Variants in LMO1 observed in about 807,000 individuals in gnomAD.
The protein encoded by LMO1 is rhombotin-1.
In LMO1, 10 loss-of-function variants were observed where a neutral mutation model predicts 18.0. The ratio of observed to expected loss-of-function variants is 0.55; its 90% CI spans 0.34 to 0.94. The LOEUF is 0.94. Ranked by LOEUF, LMO1 falls within the 40% of genes least tolerant of loss-of-function variation. The probability of loss-of-function intolerance (pLI) is 0.02; values close to 1 mark genes in which losing one functional copy is unlikely to be tolerated. For synonymous variants in LMO1, 77 were observed against 77.9 expected (o/e 0.99, Z 0.06); for missense variants, 183 against 205.7 (o/e 0.89, Z 0.68).
At chr11:8,263,266 CGT>C in intron 1 of LMO1, 70 bp downstream of exon 1, 1 of 1,503,150 alleles carries the variant, frequency 6.7e-7, no homozygotes, top group Middle Eastern at 1.8e-4. Flanking sequence ...CGTGTCCCCG[CGT>C]GTGTGTGCCT....
chr11:8,229,140 G>A (rs565194140), intron 2 of LMO1, among the ~76,000 whole-genome samples: 8 of 151,886 alleles, frequency 5.3e-5, no homozygotes, highest in African/African-American at 1.4e-4. Context: ...TGCCTGCCTC[G>A]GCCTCCCAAA....
At chr11:8,233,997 C>T (rs992240100) in intron 1 of LMO1, among the ~76,000 whole-genome samples, 2 of 152,200 alleles carry the variant, frequency 1.3e-5, no homozygotes, top group Non-Finnish European at 2.9e-5. Flanking sequence ...TGATATTTCA[C>T]AATGGATGAT....
intron 1 of LMO1, among the ~76,000 whole-genome samples, chr11:8,248,112 C>T (rs1032997479): frequency 6.6e-6 from 1 of 152,212 alleles, no homozygotes; most frequent in Admixed American, 6.5e-5. Context: ...CAAGATTGCC[C>T]GTGATCTCAC....
intron 1 of LMO1, among the ~76,000 whole-genome samples, chr11:8,255,015 A>G (rs1481839641): frequency 1.3e-5 from 2 of 152,216 alleles, no homozygotes; most frequent in African/African-American, 4.8e-5. Flanking sequence ...TGGACTGATT[A>G]CAAAAATGGC....
At chr11:8,241,877 C>A (rs1430871805) in intron 1 of LMO1, among the ~76,000 whole-genome samples, 4 of 152,082 alleles carry the variant, frequency 2.6e-5, no homozygotes, top group South Asian at 4.1e-4. Flanking sequence ...GCCCTACATG[C>A]CTTGTCCACT....
intron 1 of LMO1, among the ~76,000 whole-genome samples, chr11:8,251,979 TGTGTGGGG>T (rs1430555999): frequency 2.5e-5 from 3 of 121,550 alleles, no homozygotes; most frequent in African/African-American, 8.0e-5. Flanking sequence ...GGGGTGTGCG[TGTGTGGGG>T]GTGTGCGTGT....
chr11:8,242,426 CA>C (rs1048693454), intron 1 of LMO1, among the ~76,000 whole-genome samples: 2 of 152,132 alleles, frequency 1.3e-5, no homozygotes, highest in African/African-American at 2.4e-5. Flanking sequence ...TTTTGGCTTA[CA>C]AAAATGACTA....
intron 2 of LMO1, among the ~76,000 whole-genome samples, chr11:8,230,086 G>C (rs1047206446): frequency 6.6e-6 from 1 of 152,216 alleles, no homozygotes; most frequent in African/African-American, 2.4e-5. Context: ...GCTGGGTACC[G>C]AGTCCAAGGG....
intron 1 of LMO1, among the ~76,000 whole-genome samples, chr11:8,251,202 A>T (rs1026698730): frequency 5.3e-5 from 8 of 152,224 alleles, no homozygotes; most frequent in Non-Finnish European, 8.8e-5. Context: ...CTGGGAATGC[A>T]AATGGGGAAA....
At chr11:8,264,809 T>C (rs945760975), upstream of LMO1, among the ~76,000 whole-genome samples, 3 of 152,132 alleles carry the variant, frequency 2.0e-5, no homozygotes, top group African/African-American at 7.2e-5. Flanking sequence ...TTTTTGTATT[T>C]TTTAGTAGAG....
intron 3 of LMO1, among the ~76,000 whole-genome samples, chr11:8,225,008 G>A (rs781162255): frequency 3.9e-5 from 6 of 151,988 alleles, no homozygotes; most frequent in African/African-American, 1.2e-4. Context: ...GTTGGTGAGT[G>A]TAGGGTTAGG....
chr11:8,229,223 G>T (rs1391883153), intron 2 of LMO1, among the ~76,000 whole-genome samples: 1 of 152,138 alleles, frequency 6.6e-6, no homozygotes, highest in Non-Finnish European at 1.5e-5. Context: ...TCTGGTCTCA[G>T]CCTCTCCCCT....
intron 1 of LMO1, among the ~76,000 whole-genome samples, chr11:8,251,797 T>C (rs1330447562): frequency 6.7e-6 from 1 of 148,234 alleles, no homozygotes; most frequent in Non-Finnish European, 1.5e-5. Flanking sequence ...GGGTGTGGAG[T>C]GCGTGTGTGA....
chr11:8,267,838 T>C (rs1055880343), upstream of LMO1, among the ~76,000 whole-genome samples: 1 of 152,212 alleles, frequency 6.6e-6, no homozygotes, highest in Non-Finnish European at 1.5e-5. Flanking sequence ...CTGGGTGAAC[T>C]GATGGCAGTT....
chr11:8,225,807 C>G (rs12361144), intron 3 of LMO1, among the ~76,000 whole-genome samples: 2 of 152,166 alleles, frequency 1.3e-5, no homozygotes. Flanking sequence ...CCGGCCAGAG[C>G]CCCCAGCCAG....
chr11:8,267,246 C>G (rs983730895), upstream of LMO1, among the ~76,000 whole-genome samples: 11 of 152,208 alleles, frequency 7.2e-5, no homozygotes, highest in Non-Finnish European at 1.6e-4. Context: ...GACCAACTGT[C>G]CAAGTTTGCC....
At chr11:8,246,729 A>C (rs921011616) in intron 1 of LMO1, among the ~76,000 whole-genome samples, 1 of 152,196 alleles carries the variant, frequency 6.6e-6, no homozygotes, top group African/African-American at 2.4e-5. Flanking sequence ...ACAAACAAAA[A>C]CAAATAAATA....
chr11:8,260,989 C>G (rs11041831), intron 1 of LMO1, among the ~76,000 whole-genome samples: 80,730 of 152,008 alleles, frequency 0.53, 24,586 homozygotes, highest in Non-Finnish European at 0.68. Context: ...CAGATGAGTG[C>G]ATCCAGAACC....
At chr11:8,230,687 G>A (rs1344230397) in intron 1 of LMO1, among the ~76,000 whole-genome samples, 183 bp from the exon 2 acceptor site, 1 of 152,128 alleles carries the variant, frequency 6.6e-6, no homozygotes, top group Admixed American at 6.5e-5. Flanking sequence ...CTGCCCTTTG[G>A]GCTACATGGC....
Sources: allele counts gnomAD v4.1 joint callset (sites outside exome capture counted in the v4.1 genomes callset), GRCh38; gene constraint gnomAD v4.1.1; transcripts MANE v1.5; gene names NCBI Gene and HGNC (gene_info 2026-07-23, HGNC 2026-07-21).